The following TDG variants were observed in gnomAD, a reference collection of about 807,000 sequenced individuals.
TDG encodes the protein G/T mismatch-specific thymine DNA glycosylase.
In TDG, 23 loss-of-function variants were observed where a neutral mutation model predicts 46.1. The observed-to-expected ratio is 0.50, with a 90% confidence interval of 0.36 to 0.71. The LOEUF (loss-of-function observed/expected upper bound fraction) is 0.71. Among genes scored for constraint, TDG ranks in the 30% least tolerant of loss-of-function variants. The pLI is 0.00. For missense variants in TDG, 304 were observed against 486.7 expected, an observed-to-expected ratio of 0.62 and a Z score of 3.53; for synonymous variants, 115 against 161.3, an observed-to-expected ratio of 0.71 and a Z score of 2.18.
In TDG at chr12:103,982,803, G is replaced by C; in HGVS notation, c.483G>C (p.Lys161Asn). ...AACTGAATTTTCATTTTACAGGGAA[G>C]TGTTTGTTTATGTCAGGGCTCAGTG... Reference protein sequence around the residue: ...HYPGPGNHFWKCLFMSGLSEV... With the variant: ...HYPGPGNHFWNCLFMSGLSEV... The change falls in exon 5 of 10, where the codon AAG becomes AAC. Residue 161 changes from lysine to asparagine, a missense_variant. Transcript: ENST00000392872. 1.2e-6 allele frequency: 2 copies of C among 1,612,408 alleles called. No homozygotes were observed. The highest frequency in any genetic ancestry group is 1.7e-6 in the Non-Finnish European group (2 of 1,179,830).
At position 103,977,922 on chromosome 12, in the gene TDG, C is replaced by T. The variant is rs1164698238; in HGVS notation, c.166+862C>T. On this transcript the variant is annotated intron_variant, in intron 2 of 9. Coordinates refer to ENST00000392872, the MANE Select transcript of TDG (RefSeq NM_003211.6). Reference sequence around the variant, plus strand: ...CACACAAATTAGCCGGGCATGGTGGCGCACACCTGTGATTCCAGCTACTGG... The same window carrying T: ...CACACAAATTAGCCGGGCATGGTGGTGCACACCTGTGATTCCAGCTACTGG... 2.6e-5 allele frequency among the ~76,000 whole-genome samples: 4 copies of T among 152,052 alleles called. No homozygotes were observed. The East Asian group carries it at 5.8e-4, about 22-fold the overall frequency.
intron 1 of TDG, 69 bp downstream of exon 1, chr12:103,966,129 G>T: frequency 7.1e-7 from 1 of 1,418,320 alleles, no homozygotes; most frequent in Middle Eastern, 1.9e-4. Context: ...TGGCGCGCGC[G>T]CGCGCACGCA....
At chr12:103,976,311 G>A (rs1871535122) in intron 1 of TDG, among the ~76,000 whole-genome samples, 2 of 151,900 alleles carry the variant, frequency 1.3e-5, no homozygotes, top group African/African-American at 4.8e-5. Context: ...AGGCTGAGGT[G>A]GGAGGATCAC....
chr12:103,979,565 T>C (rs185266956), intron 2 of TDG, among the ~76,000 whole-genome samples: 24 of 152,292 alleles, frequency 1.6e-4, no homozygotes, highest in African/African-American at 5.8e-4. Flanking sequence ...AGATGCCAAG[T>C]AATACTGTGT....
intron 8 of TDG, among the ~76,000 whole-genome samples, chr12:103,985,206 CACAT>C (rs1027776681): frequency 1.2e-4 from 17 of 139,746 alleles, no homozygotes; most frequent in African/African-American, 4.3e-4. Flanking sequence ...CACACACACA[CACAT>C]TACAGAAAGT....
chr12:103,974,843 G>C (rs1003082244), intron 1 of TDG, among the ~76,000 whole-genome samples: 14 of 151,658 alleles, frequency 9.2e-5, no homozygotes, highest in Admixed American at 8.5e-4. Flanking sequence ...TGTGGTGGTG[G>C]GGGCGCCTGT....
At chr12:103,984,664 C>T (rs1192147438) in intron 7 of TDG, 85 bp from the exon 8 acceptor site, 1 of 1,140,286 alleles carries the variant, frequency 8.8e-7, no homozygotes, top group Non-Finnish European at 1.1e-6. Context: ...GTTATTAACC[C>T]AAATAAAGAC....
At chr12:103,971,189 A>G (rs1052025083) in intron 1 of TDG, among the ~76,000 whole-genome samples, 1 of 152,210 alleles carries the variant, frequency 6.6e-6, no homozygotes, top group African/African-American at 2.4e-5. Flanking sequence ...AACTAGGTAC[A>G]TACCACAGTC....
chr12:103,971,712 G>T lies in TDG; in HGVS notation c.24-5206G>T, dbSNP rs183008992. On this transcript the variant is annotated intron_variant, in intron 1 of 9. Transcript: ENST00000392872. ...AAGAATATTTGAGACTAAGATAAAT[G>T]ATGGGGGAAGAAAAGTGAACGAAGA... Among the ~76,000 whole-genome samples, 5 of 152,278 alleles carry T rather than the reference G, an allele frequency of 3.3e-5. No individual in the cohort carries two copies. In the East Asian group the frequency reaches 7.7e-4, roughly 23 times the overall value.
chr12:103,985,793 T>G (rs1872127303), intron 9 of TDG, 65 bp downstream of exon 9: 1 of 1,394,702 alleles, frequency 7.2e-7, no homozygotes, highest in Admixed American at 2.7e-5. Context: ...GGGGAAAATT[T>G]TAATAGAAGG....
At chr12:103,975,199 A>AT (rs900893088) in intron 1 of TDG, among the ~76,000 whole-genome samples, 10 of 151,986 alleles carry the variant, frequency 6.6e-5, no homozygotes, top group East Asian at 1.9e-4. Context: ...CATGAGAAGT[A>AT]TTTTTTTTAA....
Position 103,982,854 on chromosome 12 carries a change from T to C in TDG, c.534T>C (p.Asp178=). Residue 178 remains aspartate (D), a synonymous_variant, in exon 5 of 10, where the codon GAT becomes GAC. Coordinates refer to ENST00000392872, the MANE Select transcript of TDG (RefSeq NM_003211.6). ...LSEVQLNHMD[D]HTLPGKYGIG... ...AGGTCCAGCTGAACCATATGGATGA[T>C]CACACTCTACCAGGGAAGTATGGTA... 1 of 1,614,030 alleles carries C rather than the reference T, an allele frequency of 6.2e-7. No individual in the cohort carries two copies. Among genetic ancestry groups the C allele is most frequent in the Non-Finnish European group, 8.5e-7 (1 of 1,180,036 alleles).
chr12:103,973,440 T>C (rs912106893), intron 1 of TDG, among the ~76,000 whole-genome samples: 9 of 152,174 alleles, frequency 5.9e-5, no homozygotes, highest in African/African-American at 2.2e-4. Flanking sequence ...CCTTTGTTTC[T>C]ATATATTCAA....
At chr12:103,975,957 C>T (rs533012652) in intron 1 of TDG, among the ~76,000 whole-genome samples, 33 of 151,872 alleles carry the variant, frequency 2.2e-4, no homozygotes, top group African/African-American at 5.1e-4. Flanking sequence ...CCACTGTGCC[C>T]GGCCTTGTCA....
At chr12:103,974,995 AAAAAGAAAAAG>A (rs1400398575) in intron 1 of TDG, among the ~76,000 whole-genome samples, 1 of 65,418 alleles carries the variant, frequency 1.5e-5, no homozygotes, top group Non-Finnish European at 3.7e-5. Context: ...AAAAAAAAAG[AAAAAGAAAAAG>A]AAAACATGAC....
At position 103,981,230 on chromosome 12, in the gene TDG, T is replaced by G. The variant is rs919528716; in HGVS notation, c.478+268T>G. ...TGTTTCTAATGAGTTGTACTACTTT[T>G]TTTTTTTTTTTTTTTTTTTTTTGAG... On this transcript the variant is annotated intron_variant, in intron 4 of 9. Transcript: ENST00000392872. 4.7e-3 allele frequency among the ~76,000 whole-genome samples: 653 copies of G among 138,892 alleles called. 19 individuals carry two copies. The highest frequency in any genetic ancestry group is 0.035 in the Admixed American group (476 of 13,762). 91.1% of individuals were successfully genotyped at this position (138,892 alleles called of 152,430 possible). A position where few individuals can be genotyped will look rare whatever the true frequency, so the allele number is the denominator to read the frequency against.
chr12:103,974,229 A>C (rs1566179018), intron 1 of TDG, among the ~76,000 whole-genome samples: 1 of 151,856 alleles, frequency 6.6e-6, no homozygotes, highest in Admixed American at 6.6e-5. Context: ...TGATTTACAT[A>C]CTACATAGTT....
chr12:103,981,861 A>AT (rs1871853282), intron 4 of TDG, among the ~76,000 whole-genome samples: 1 of 152,164 alleles, frequency 6.6e-6, no homozygotes, highest in Admixed American at 6.5e-5. Context: ...AAATAAATAA[A>AT]AAATTAGCTG....
At chr12:103,982,565 A>G (rs1566182769) in intron 4 of TDG, among the ~76,000 whole-genome samples, 2 of 152,262 alleles carry the variant, frequency 1.3e-5, no homozygotes, top group East Asian at 3.9e-4. Flanking sequence ...CCAGGAATTC[A>G]AGACCAGCCT....
Sources: allele counts gnomAD v4.1 joint callset (sites outside exome capture counted in the v4.1 genomes callset), GRCh38; gene constraint gnomAD v4.1.1; transcripts MANE v1.5; gene names NCBI Gene and HGNC (gene_info 2026-07-23, HGNC 2026-07-21).